Variants in RBPMS observed in about 807,000 individuals in gnomAD.
RBPMS encodes RNA binding protein, mRNA processing factor.
In RBPMS, 7 loss-of-function variants were observed where a neutral mutation model predicts 26.8. The ratio of observed to expected loss-of-function variants is 0.26; its 90% confidence interval spans 0.15 to 0.49. The LOEUF (loss-of-function observed/expected upper bound fraction) is 0.49, where lower values mean the gene tolerates loss of function less well. Ranked by LOEUF, RBPMS falls within the 20% of genes least tolerant of loss-of-function variation. RBPMS has a pLI of 0.98. For synonymous variants in RBPMS, 96 were observed against 93.3 expected, an observed-to-expected ratio of 1.03 and a Z score of -0.17; for missense variants, 186 against 250.0, an observed-to-expected ratio of 0.74 and a Z score of 1.73.
At chr8:30,549,251 G>A (rs1698256304) in intron 6 of RBPMS, among the ~76,000 whole-genome samples, 1 of 152,178 alleles carries the variant, frequency 6.6e-6, no homozygotes, top group Admixed American at 6.5e-5. Flanking sequence ...CCCATTGCTT[G>A]CTTCTGTGAA....
At chr8:30,445,715 T>A (rs1813686339) in intron 1 of RBPMS, among the ~76,000 whole-genome samples, 1 of 147,686 alleles carries the variant, frequency 6.8e-6, no homozygotes, top group Non-Finnish European at 1.5e-5. Flanking sequence ...TCGCCTAGGC[T>A]AGGGTGCAGT....
intron 5 of RBPMS, among the ~76,000 whole-genome samples, chr8:30,542,370 T>G (rs1437424421): frequency 1.3e-5 from 2 of 152,254 alleles, no homozygotes; most frequent in Non-Finnish European, 2.9e-5. Context: ...TCTCTGTTGC[T>G]TATCTCTTTA....
At chr8:30,567,508 A>C (rs1827983368) in intron 8 of RBPMS, among the ~76,000 whole-genome samples, 1 of 152,162 alleles carries the variant, frequency 6.6e-6, no homozygotes, top group Non-Finnish European at 1.5e-5. Flanking sequence ...CAAAGCTCTT[A>C]ATGGTCATCA....
At chr8:30,545,643 C>T (rs1025636936) in intron 6 of RBPMS, 10 of 160,988 alleles carry the variant, frequency 6.2e-5, no homozygotes, top group Non-Finnish European at 1.3e-4. Context: ...TGACTTAAAA[C>T]TCTTTTATGT....
chr8:30,549,920 G>T (rs1463467856), intron 6 of RBPMS, among the ~76,000 whole-genome samples: 1 of 147,898 alleles, frequency 6.8e-6, no homozygotes, highest in East Asian at 2.0e-4. Context: ...GTGTGATCTC[G>T]GCTCACTGCA....
chr8:30,493,930 A>G (rs908393139), intron 4 of RBPMS, among the ~76,000 whole-genome samples: 5 of 152,206 alleles, frequency 3.3e-5, no homozygotes, highest in African/African-American at 9.7e-5. Flanking sequence ...GCATGGTTAT[A>G]TACATAGGGG....
intron 1 of RBPMS, among the ~76,000 whole-genome samples, chr8:30,473,762 C>T (rs1236978717): frequency 6.6e-6 from 1 of 152,022 alleles, no homozygotes; most frequent in African/African-American, 2.4e-5. Context: ...TACTATGCAG[C>T]CACAAAAAGG....
chr8:30,414,700 A>T (rs1053090333), intron 1 of RBPMS, among the ~76,000 whole-genome samples: 1 of 151,624 alleles, frequency 6.6e-6, no homozygotes, highest in African/African-American at 2.4e-5. Flanking sequence ...TCTTAAACAG[A>T]TTTTTTTTTC....
chr8:30,458,790 C>A (rs1440377429), intron 1 of RBPMS, among the ~76,000 whole-genome samples: 1 of 152,144 alleles, frequency 6.6e-6, no homozygotes, highest in Non-Finnish European at 1.5e-5. Flanking sequence ...TGGCTCACTG[C>A]AGCCTCAACC....
intron 6 of RBPMS, among the ~76,000 whole-genome samples, chr8:30,556,953 T>C (rs1284636797): frequency 1.3e-5 from 2 of 152,092 alleles, no homozygotes; most frequent in African/African-American, 4.8e-5. Context: ...AGAGGAGTGT[T>C]TTCTAGCCTT....
chr8:30,549,730 C>T (rs1826144823), intron 6 of RBPMS: 1 of 467,628 alleles, frequency 2.1e-6, no homozygotes. Flanking sequence ...GAGGCGATTT[C>T]TTTCTTTCTT....
chr8:30,528,234 T>C (rs1379033681), intron 5 of RBPMS, among the ~76,000 whole-genome samples: 1 of 151,722 alleles, frequency 6.6e-6, no homozygotes, highest in African/African-American at 2.4e-5. Context: ...GTGGATTGTG[T>C]GTGTGGGGGA....
chr8:30,413,897 C>T (rs769874941), intron 1 of RBPMS, among the ~76,000 whole-genome samples: 2 of 152,150 alleles, frequency 1.3e-5, no homozygotes, highest in African/African-American at 4.8e-5. Context: ...AGGCGTGAGC[C>T]GCATCCAGCT....
chr8:30,384,904 G>A lies in RBPMS; in HGVS notation c.-189G>A, dbSNP rs890671437. The A allele has an allele frequency of 2.7e-6, 1 of 368,998 alleles. No individual in the cohort carries two copies. The highest frequency in any genetic ancestry group is 4.8e-6 in the Non-Finnish European group (1 of 210,384). 22.9% of individuals were successfully genotyped at this position (368,998 alleles called of 1,614,324 possible). On this transcript the variant is annotated 5_prime_UTR_variant, in exon 1 of 9. Transcript: ENST00000397323. This position sits in a 1 kb window ranked among gnomAD's most constrained non-coding sequence, Gnocchi z 5.6. ...TGAGTCGCCCGCCGCCGCCGTCGCA[G>A]ACTCGCCGCGGGAGCCCCAGCCCAA...
At chr8:30,488,278 G>A (rs1819005924) in intron 4 of RBPMS, among the ~76,000 whole-genome samples, 1 of 152,118 alleles carries the variant, frequency 6.6e-6, no homozygotes, top group African/African-American at 2.4e-5. Flanking sequence ...AACAGGTAAA[G>A]TATAAAAGCA....
At chr8:30,411,840 G>A (rs1809471599) in intron 1 of RBPMS, among the ~76,000 whole-genome samples, 2 of 151,884 alleles carry the variant, frequency 1.3e-5, no homozygotes, top group South Asian at 4.2e-4. Context: ...TGCAGAATTA[G>A]CTGGGCGTTG....
chr8:30,427,925 A>G (rs931102914), intron 1 of RBPMS, among the ~76,000 whole-genome samples: 4 of 151,446 alleles, frequency 2.6e-5, no homozygotes, highest in Non-Finnish European at 4.4e-5. Context: ...GCCATGGCTT[A>G]TGCATGTGAT....
intron 1 of RBPMS, chr8:30,445,282 T>G (rs1326383074): frequency 6.6e-6 from 1 of 152,196 alleles, no homozygotes; most frequent in Non-Finnish European, 1.5e-5. Context: ...AAGAATAATG[T>G]GTGCTTTTCA....
intron 1 of RBPMS, among the ~76,000 whole-genome samples, chr8:30,395,478 A>AG: frequency 7.4e-6 from 1 of 134,658 alleles, no homozygotes; most frequent in Non-Finnish European, 1.5e-5. Context: ...AAAAAAAAAA[A>AG]AAAAAAAAAA....
Sources: allele counts gnomAD v4.1 joint callset (sites outside exome capture counted in the v4.1 genomes callset), GRCh38; gene constraint gnomAD v4.1.1; non-coding constraint Gnocchi (gnomAD v3.1); transcripts MANE v1.5; gene names NCBI Gene and HGNC (gene_info 2026-07-23, HGNC 2026-07-21).